CYBA: variants seen among roughly 807,000 people sequenced by gnomAD.
CYBA encodes cytochrome b-245 alpha chain.
CYBA carries 21 observed loss-of-function variants against 20.8 expected under a neutral mutation model. The ratio of observed to expected loss-of-function variants is 1.01; its 90% CI spans 0.72 to 1.46. The LOEUF (loss-of-function observed/expected upper bound fraction) is 1.46, where lower values mean the gene tolerates loss of function less well. Ranked by LOEUF, CYBA falls within the 40% of genes most tolerant of loss-of-function variation. The pLI is 0.00. For synonymous variants in CYBA, 164 were observed against 127.5 expected, an observed-to-expected ratio of 1.29 and a Z score of -1.93; for missense variants, 344 against 287.0, an observed-to-expected ratio of 1.20 and a Z score of -1.43.
rs1486942424 is a variant in CYBA at position 88,646,127 on chromosome 16, T to C, written c.358A>G (p.Ile120Val). The C allele has an allele frequency of 6.4e-7, 1 of 1,554,700 alleles. No individual in the cohort carries two copies. Among genetic ancestry groups the C allele is most frequent in the Non-Finnish European group, 8.7e-7 (1 of 1,150,850 alleles). ...GTACLAIASG[I>V]YLLAAVRGEQ... ...AGGGCGCCACTCACCAGTAGGTAGA[T>C]GCCGCTCGCAATGGCCAGGCAGGCG... Residue 120 changes from isoleucine to valine, a missense_variant, in exon 5 of 6, where the codon ATC (isoleucine) becomes GTC (valine). Physicochemically the swap from Ile to Val is conservative, Grantham distance 29. Transcript: ENST00000261623.
chr16:88,644,989 A>G, intron 5 of CYBA: 1 of 599,772 alleles, frequency 1.7e-6, no homozygotes, highest in South Asian at 2.0e-5. Context: ...GAAACTGGCA[A>G]GCGTGGGAGA....
In CYBA at chr16:88,643,994, G is replaced by A. The variant is rs1444813021; in HGVS notation, c.370-423C>T. Among the ~76,000 whole-genome samples the A allele has an allele frequency of 4.6e-5, 7 of 152,190 alleles. No homozygotes were observed. Among genetic ancestry groups the A allele is most frequent in the Non-Finnish European group, 7.4e-5 (5 of 68,016 alleles). The stretch of plus-strand genomic sequence containing the variant: ...TGGGCGCCATTCACCCACGCTGGCC[G>A]GCAGCCCCCCAAGGGTGCCCAGGCA... On this transcript the variant is annotated intron_variant, in intron 5 of 5. Transcript: ENST00000261623. This position sits in a 1 kb window ranked among gnomAD's most constrained non-coding sequence, Gnocchi z 4.3.
chr16:88,646,194 G>A lies in CYBA; in HGVS notation c.291C>T (p.Leu97=), dbSNP rs575218068. 1.3e-6 allele frequency: 2 copies of A among 1,541,984 alleles called. No homozygotes were observed. The change falls in exon 5 of 6, where the codon CTC becomes CTT. Residue 97 remains leucine, a synonymous_variant. Transcript: ENST00000261623. ...YYVRAVLHLL[L]SVPAGFLLAT... ...CCAGCAGGAAGCCGGCGGGCACCGA[G>A]AGCCTGGGGGACAGCGGGTGAGAGG...
In CYBA at chr16:88,643,392, G is replaced by A; in HGVS notation, c.549C>T (p.Pro183=). ...AVAAGGPPGG[P]QVNPIPVTDE... Reference sequence around the variant, plus strand: ...CGGTCACCGGGATGGGGTTGACCTGGGGACCTCCCGGGGGTCCCCCCGCCG... The same window carrying A: ...CGGTCACCGGGATGGGGTTGACCTGAGGACCTCCCGGGGGTCCCCCCGCCG... Residue 183 remains proline (P), a synonymous_variant, in exon 6 of 6, where the codon CCC becomes CCT. Transcript: ENST00000261623. This position sits in a 1 kb window ranked among gnomAD's most constrained non-coding sequence, Gnocchi z 4.3. 1 of 1,534,182 alleles carries A rather than the reference G, an allele frequency of 6.5e-7. No individual in the cohort carries two copies.
At chr16:88,648,620 G>GC (rs1567609840) in intron 1 of CYBA, among the ~76,000 whole-genome samples, 1 of 140,408 alleles carries the variant, frequency 7.1e-6, no homozygotes, top group Non-Finnish European at 1.6e-5. Flanking sequence ...CCCCCTTACT[G>GC]TTTTTTTTTT....
At chr16:88,650,507 G>A in intron 1 of CYBA, 1 of 471,154 alleles carries the variant, frequency 2.1e-6, no homozygotes, top group Non-Finnish European at 4.2e-6. Context: ...CAGGGCATGA[G>A]CCCATTCCCC....
At chr16:88,647,406 G>A (rs1028375665) in intron 2 of CYBA, among the ~76,000 whole-genome samples, 1 of 152,228 alleles carries the variant, frequency 6.6e-6, no homozygotes, top group Non-Finnish European at 1.5e-5. Flanking sequence ...AGGTGCAGTG[G>A]TGTGTGCCTG....
intron 1 of CYBA, among the ~76,000 whole-genome samples, chr16:88,650,035 C>T (rs1466051797): frequency 6.6e-6 from 1 of 152,164 alleles, no homozygotes; most frequent in Non-Finnish European, 1.5e-5. Flanking sequence ...GTCCTCCAGC[C>T]CTCCCACCCT....
At chr16:88,648,159 G>A (rs902540644) in intron 1 of CYBA, 45 bp from the exon 2 acceptor site, 2 of 1,561,558 alleles carry the variant, frequency 1.3e-6, no homozygotes, top group Non-Finnish European at 8.7e-7. Flanking sequence ...CCCGTCCCGG[G>A]GGCCTGGGCC....
At chr16:88,650,661 C>G in intron 1 of CYBA, 1 of 595,956 alleles carries the variant, frequency 1.7e-6, no homozygotes, top group Non-Finnish European at 3.1e-6. Context: ...CGCCTCTTCC[C>G]CTGCGCTGCA....
At chr16:88,647,255 G>C in intron 2 of CYBA, 80 bp from the exon 3 acceptor site, 1 of 1,371,626 alleles carries the variant, frequency 7.3e-7, no homozygotes, top group Non-Finnish European at 1.0e-6. Flanking sequence ...ACAACACAGA[G>C]AGGGGCCCGA....
chr16:88,649,098 C>T (rs866657039), intron 1 of CYBA, among the ~76,000 whole-genome samples: 30 of 151,684 alleles, frequency 2.0e-4, no homozygotes, highest in Admixed American at 9.2e-4. Context: ...CCACCATACC[C>T]GGCTAATTTT....
intron 2 of CYBA, among the ~76,000 whole-genome samples, chr16:88,647,449 G>C (rs771541852): frequency 1.3e-5 from 2 of 152,230 alleles, no homozygotes; most frequent in African/African-American, 4.8e-5. Context: ...TGAGGTAAGA[G>C]GGTGGCCTGA....
At chr16:88,646,580 C>A (rs1907291424) in intron 4 of CYBA, 175 bp downstream of exon 4, 2 of 716,714 alleles carry the variant, frequency 2.8e-6, no homozygotes, top group Admixed American at 2.0e-5. Context: ...ACAAATCCTG[C>A]ACACTAGACA....
rs1163662893 is a variant in CYBA at position 88,647,155 on chromosome 16, C to G, written c.149G>C (p.Cys50Ser). 15 of 1,609,982 alleles carry G rather than the reference C, an allele frequency of 9.3e-6. No individual in the cohort carries two copies. Among genetic ancestry groups the G allele is most frequent in the Non-Finnish European group, 1.3e-5 (15 of 1,179,432 alleles). Residue 50 changes from cysteine (C) to serine (S), a missense_variant, in exon 3 of 6, where the codon TGC (cysteine) becomes TCC (serine). Transcript: ENST00000261623. ...CTTCCCCCGGGGGTACTCCAGCAGG[C>G]ACACAAACACGCCCGCCACACTGAA... ...AYSIVAGVFV[C>S]LLEYPRGKRK...
At chr16:88,646,320 G>A (rs1035133368) in intron 4 of CYBA, 123 bp from the exon 5 acceptor site, 2 of 816,930 alleles carry the variant, frequency 2.4e-6, no homozygotes, top group South Asian at 1.5e-5. Context: ...CCCAGGGGAC[G>A]TGCGCGGACC....
In CYBA at chr16:88,643,351, G is replaced by A. The variant is rs1018842226; in HGVS notation, c.*2C>T. 4 of 1,519,080 alleles carry A rather than the reference G, an allele frequency of 2.6e-6. No individual in the cohort carries two copies. Among genetic ancestry groups the A allele is most frequent in the African/African-American group, 1.4e-5 (1 of 69,760 alleles). 94.1% of individuals were successfully genotyped at this position (1,519,080 alleles called of 1,614,324 possible). ...TGGCGGGAGGGCAGGTCCGGGGCGA[G>A]GTCACACGACCTCGTCGGTCACCGG... On this transcript the variant is annotated 3_prime_UTR_variant, in exon 6 of 6. Transcript: ENST00000261623. This position sits in a 1 kb window ranked among gnomAD's most constrained non-coding sequence, Gnocchi z 4.3.
intron 1 of CYBA, 163 bp downstream of exon 1, chr16:88,650,793 G>T: frequency 1.4e-6 from 1 of 724,052 alleles, no homozygotes; most frequent in Non-Finnish European, 2.4e-6. Context: ...CCCGCGGCCT[G>T]AGGGTCCCGC....
intron 5 of CYBA, chr16:88,645,332 G>T (rs757765631): frequency 4.3e-6 from 3 of 702,462 alleles, no homozygotes; most frequent in Middle Eastern, 4.6e-4. Context: ...TACGCGGAAG[G>T]CGTACACAGA....
Sources: gnomAD v4.1 joint callset for allele counts (sites outside exome capture counted in the v4.1 genomes callset) on GRCh38, gnomAD v4.1.1 for gene constraint, Gnocchi (gnomAD v3.1) non-coding constraint, MANE v1.5 for transcripts, NCBI Gene and HGNC (gene_info 2026-07-23, HGNC 2026-07-21) for gene names.